Variants in GALNT14 observed in about 807,000 individuals in gnomAD.
GALNT14 encodes the protein UDP-GalNAc:polypeptide N-acetylgalactosaminyltransferase 14.
A neutral mutation model predicts 77.5 loss-of-function variants in GALNT14; 60 were observed. The observed-to-expected ratio is 0.77, with a 90% CI of 0.63 to 0.96. The LOEUF (loss-of-function observed/expected upper bound fraction) is 0.96, where lower values mean the gene tolerates loss of function less well. GALNT14 is among the 40% of genes least tolerant of loss of function. GALNT14 has a pLI of 0.00. For synonymous variants in GALNT14, 280 were observed against 281.7 expected (o/e 0.99, Z 0.06); for missense variants, 710 against 731.0 (o/e 0.97, Z 0.33).
the GALNT14 span, among the ~76,000 whole-genome samples, chr2:30,901,802 G>C: frequency 1.1e-4 from 17 of 152,072 alleles, no homozygotes; most frequent in Admixed American, 1.1e-3. Flanking sequence ...CTTGGGGGAC[G>C]GGGCTTCTGC....
At chr2:31,123,704 A>G (rs1678536902) in intron 1 of GALNT14, among the ~76,000 whole-genome samples, 1 of 152,218 alleles carries the variant, frequency 6.6e-6, no homozygotes, top group East Asian at 1.9e-4. Context: ...CAGTTTTCTG[A>G]GCTAACGGAA....
intron 1 of GALNT14, among the ~76,000 whole-genome samples, chr2:31,080,755 A>G (rs139182239): frequency 6.6e-6 from 1 of 152,222 alleles, no homozygotes; most frequent in Non-Finnish European, 1.5e-5. Context: ...ACTGGGTTCT[A>G]TTAAACCCTA....
In GALNT14 at chr2:30,978,825, G is replaced by T. The variant is rs191359018; in HGVS notation, c.300-12523C>A. ...CAGCATTCCTGTGCTAGCTGCTCAG[G>T]GGCTTGGAAGGGTGATAGACAGTAA... On this transcript the variant is annotated intron_variant, in intron 2 of 14. Coordinates refer to ENST00000349752, the MANE Select transcript of GALNT14 (RefSeq NM_024572.4). Among the ~76,000 whole-genome samples the T allele has an allele frequency of 1.5e-3, 222 of 152,308 alleles. 1 individual carries two copies. Among genetic ancestry groups the T allele is most frequent in the African/African-American group, 5.0e-3 (208 of 41,564 alleles).
intron 2 of GALNT14, among the ~76,000 whole-genome samples, chr2:30,967,670 T>C (rs1054196133): frequency 1.3e-5 from 2 of 152,174 alleles, no homozygotes; most frequent in East Asian, 3.9e-4. Flanking sequence ...CCTCCTCTCA[T>C]GCCCATGGCC....
intron 6 of GALNT14, among the ~76,000 whole-genome samples, chr2:30,949,421 G>A (rs1387615666): frequency 1.3e-5 from 2 of 152,160 alleles, no homozygotes; most frequent in East Asian, 3.9e-4. Flanking sequence ...TTCTCTGTGT[G>A]CATGCCCCAG....
At chr2:31,125,508 C>T (rs1027865806) in intron 1 of GALNT14, among the ~76,000 whole-genome samples, 1 of 152,158 alleles carries the variant, frequency 6.6e-6, no homozygotes, top group African/African-American at 2.4e-5. Flanking sequence ...AAAAAGAACA[C>T]TTTAATTGTG....
chr2:31,121,072 T>A (rs148213005), intron 1 of GALNT14, among the ~76,000 whole-genome samples: 1 of 152,302 alleles, frequency 6.6e-6, no homozygotes, highest in East Asian at 1.9e-4. Flanking sequence ...CCTGGTCACA[T>A]CAGCAGGGAT....
At chr2:30,970,591 G>A (rs927291974) in intron 2 of GALNT14, among the ~76,000 whole-genome samples, 10 of 152,046 alleles carry the variant, frequency 6.6e-5, no homozygotes, top group Non-Finnish European at 5.9e-5. Context: ...TGGAGACGAC[G>A]CAGTTAAACC....
At chr2:30,933,908 G>C (rs1477165827) in intron 9 of GALNT14, among the ~76,000 whole-genome samples, 1 of 152,196 alleles carries the variant, frequency 6.6e-6, no homozygotes, top group South Asian at 2.1e-4. Flanking sequence ...CTGTGTAAAC[G>C]CTAAGTGTGA....
intron 2 of GALNT14, among the ~76,000 whole-genome samples, chr2:30,976,612 CGTGTGTGTAT>C (rs1045561225): frequency 2.0e-5 from 3 of 148,296 alleles, no homozygotes; most frequent in African/African-American, 7.7e-5. Context: ...TGTGCGTGTG[CGTGTGTGTAT>C]GTGTGTGTGT....
chr2:30,999,728 C>A (rs189479103), intron 1 of GALNT14, among the ~76,000 whole-genome samples: 247 of 152,332 alleles, frequency 1.6e-3, no homozygotes, highest in African/African-American at 4.7e-3. Context: ...TTACTATGCA[C>A]CAGGCTCTAC....
intron 2 of GALNT14, among the ~76,000 whole-genome samples, chr2:30,979,068 G>A (rs1434054223): frequency 1.3e-5 from 2 of 152,220 alleles, no homozygotes; most frequent in African/African-American, 4.8e-5. Context: ...TGATGGGGGC[G>A]GCCTTGACTT....
At chr2:30,953,154 AG>A (rs1667139976) in intron 6 of GALNT14, among the ~76,000 whole-genome samples, 1 of 152,182 alleles carries the variant, frequency 6.6e-6, no homozygotes, top group Non-Finnish European at 1.5e-5. Context: ...AGGACGACAT[AG>A]CTGGCCCTAG....
downstream of GALNT14, among the ~76,000 whole-genome samples, chr2:30,908,651 T>A (rs1309863910): frequency 8.7e-6 from 1 of 115,060 alleles, no homozygotes; most frequent in Non-Finnish European, 1.7e-5. Flanking sequence ...ATTTACAGAT[T>A]CAATGCCATC....
intron 4 of GALNT14, among the ~76,000 whole-genome samples, chr2:30,956,949 C>G (rs147360406): frequency 6.6e-6 from 1 of 152,226 alleles, no homozygotes; most frequent in Admixed American, 6.5e-5. Flanking sequence ...TCCCACTCAG[C>G]ATGCCTCCCA....
chr2:30,903,510 G>A, the GALNT14 span, among the ~76,000 whole-genome samples: 3 of 152,234 alleles, frequency 2.0e-5, no homozygotes, highest in African/African-American at 7.2e-5. Flanking sequence ...CAGTGATGCT[G>A]GAGAGGCCCA....
At chr2:30,891,821 T>G in the GALNT14 span, among the ~76,000 whole-genome samples, 1 of 152,172 alleles carries the variant, frequency 6.6e-6, no homozygotes, top group South Asian at 2.1e-4. Flanking sequence ...AGGACACCAG[T>G]GTCAAGAGGC....
chr2:31,041,074 C>T (rs746013068), intron 1 of GALNT14, among the ~76,000 whole-genome samples: 27 of 152,106 alleles, frequency 1.8e-4, no homozygotes, highest in Non-Finnish European at 3.8e-4. Context: ...AGCTCCAGAC[C>T]TCACAAAGCT....
At position 31,011,939 on chromosome 2, in the gene GALNT14, G is replaced by A. The variant is rs1671058135; in HGVS notation, c.130-18932C>T. Among the ~76,000 whole-genome samples, 3 of 152,190 alleles carry A rather than the reference G, an allele frequency of 2.0e-5. No individual in the cohort carries two copies. The South Asian group carries it at 6.2e-4, about 32-fold the overall frequency. ...ACATCTCCAGAGATCCACAGCACTG[G>A]GGAAAAGCTAGGCATTCTTCAGCTG... On this transcript the variant is annotated intron_variant, in intron 1 of 14. Coordinates refer to ENST00000349752, the MANE Select transcript of GALNT14 (RefSeq NM_024572.4).
Sources: gnomAD v4.1 joint callset for allele counts (sites outside exome capture counted in the v4.1 genomes callset) on GRCh38, gnomAD v4.1.1 for gene constraint, MANE v1.5 for transcripts, NCBI Gene and HGNC (gene_info 2026-07-23, HGNC 2026-07-21) for gene names.